The following CPHXL2 variants were observed in gnomAD, a reference collection of about 807,000 sequenced individuals.
CPHXL2 encodes cytoplasmic polyadenylated homeobox-like protein 2.
the CPHXL2 span, among the ~76,000 whole-genome samples, chr16:75,675,159 A>T: frequency 4.0e-5 from 6 of 149,850 alleles, no homozygotes; most frequent in East Asian, 6.2e-4. Flanking sequence ...ACTGCACTCC[A>T]GGCTGGGTGA....
the CPHXL2 span, among the ~76,000 whole-genome samples, chr16:75,665,857 T>C: frequency 6.6e-6 from 1 of 152,002 alleles, no homozygotes; most frequent in African/African-American, 2.4e-5. Context: ...AGAGCAAGAC[T>C]CTGTCCCAAC....
At chr16:75,663,953 A>C in the CPHXL2 span, among the ~76,000 whole-genome samples, 1 of 151,302 alleles carries the variant, frequency 6.6e-6, no homozygotes, top group Non-Finnish European at 1.5e-5. Context: ...TTTACAGTCT[A>C]TTCTGAAATC....
the CPHXL2 span, among the ~76,000 whole-genome samples, chr16:75,667,117 G>C: frequency 6.6e-6 from 1 of 151,944 alleles, no homozygotes; most frequent in Admixed American, 6.6e-5. Flanking sequence ...TTCGAGACCA[G>C]CCTGGCCAAT....
chr16:75,662,837 C>T, the CPHXL2 span, among the ~76,000 whole-genome samples: 4,739 of 138,614 alleles, frequency 0.034, 113 homozygotes, highest in Middle Eastern at 0.087. Context: ...CTCGCTCTGT[C>T]GTCCAGGCTG....
At chr16:75,675,191 GAA>G in the CPHXL2 span, among the ~76,000 whole-genome samples, 4 of 112,474 alleles carry the variant, frequency 3.6e-5, no homozygotes, top group Admixed American at 9.5e-5. Flanking sequence ...TGTCTCAAAA[GAA>G]AAAAAAAAAA....
the CPHXL2 span, among the ~76,000 whole-genome samples, chr16:75,663,086 C>G: frequency 2.6e-5 from 4 of 152,212 alleles, no homozygotes; most frequent in African/African-American, 9.6e-5. Flanking sequence ...AGGCGTGAGC[C>G]ACTCACTGCG....
At chr16:75,672,370 T>C in the CPHXL2 span, among the ~76,000 whole-genome samples, 2 of 152,028 alleles carry the variant, frequency 1.3e-5, no homozygotes, top group African/African-American at 4.8e-5. Flanking sequence ...TGAATATAAA[T>C]TGAACCAGGG....
chr16:75,665,867 C>G, the CPHXL2 span, among the ~76,000 whole-genome samples: 1 of 151,978 alleles, frequency 6.6e-6, no homozygotes, highest in Non-Finnish European at 1.5e-5. Context: ...TCTGTCCCAA[C>G]AAACCAACCA....
At chr16:75,663,096 G>A in the CPHXL2 span, among the ~76,000 whole-genome samples, 5 of 152,164 alleles carry the variant, frequency 3.3e-5, no homozygotes, top group Admixed American at 6.5e-5. Flanking sequence ...CACTCACTGC[G>A]CCCGGTGGGA....
At chr16:75,671,081 C>G in the CPHXL2 span, among the ~76,000 whole-genome samples, 2 of 152,176 alleles carry the variant, frequency 1.3e-5, no homozygotes, top group African/African-American at 4.8e-5. Context: ...CCTAACCACC[C>G]TATTAAAAAT....
chr16:75,674,009 A>G, the CPHXL2 span, among the ~76,000 whole-genome samples: 10 of 150,298 alleles, frequency 6.7e-5, no homozygotes, highest in African/African-American at 2.4e-4. Flanking sequence ...AAAAAAAAAG[A>G]TAAAAGAAAA....
chr16:75,671,903 C>G, the CPHXL2 span, among the ~76,000 whole-genome samples: 1 of 152,148 alleles, frequency 6.6e-6, no homozygotes. Flanking sequence ...GTAAGGATGG[C>G]TTTTGCATGC....
the CPHXL2 span, among the ~76,000 whole-genome samples, chr16:75,670,417 C>T: frequency 6.6e-6 from 1 of 152,130 alleles, no homozygotes. Flanking sequence ...CTCTGAGTTC[C>T]ATGAGTGTAG....
chr16:75,672,015 T>C, the CPHXL2 span, among the ~76,000 whole-genome samples: 2 of 151,908 alleles, frequency 1.3e-5, no homozygotes, highest in African/African-American at 2.4e-5. Context: ...CTCACACCTG[T>C]AATCCCAGCA....
chr16:75,668,211 C>A, the CPHXL2 span, among the ~76,000 whole-genome samples: 30,957 of 140,056 alleles, frequency 0.22, 3,562 homozygotes, highest in African/African-American at 0.35. Context: ...CTCTCTCTCT[C>A]TCTATATATA....
At chr16:75,672,630 G>A in the CPHXL2 span, among the ~76,000 whole-genome samples, 2 of 152,146 alleles carry the variant, frequency 1.3e-5, no homozygotes, top group East Asian at 1.9e-4. Context: ...TAGGACTACA[G>A]GCTTGCAATA....
At chr16:75,673,169 G>T in the CPHXL2 span, among the ~76,000 whole-genome samples, 2 of 150,942 alleles carry the variant, frequency 1.3e-5, no homozygotes, top group African/African-American at 4.9e-5. Context: ...GTGTGGTGGC[G>T]CATGCCTGTA....
chr16:75,676,356 C>A, the CPHXL2 span, among the ~76,000 whole-genome samples: 1 of 152,152 alleles, frequency 6.6e-6, no homozygotes, highest in African/African-American at 2.4e-5. Context: ...CAAGGCCTCA[C>A]TCTGTCACCC....
At chr16:75,666,539 T>A in the CPHXL2 span, among the ~76,000 whole-genome samples, 1 of 139,986 alleles carries the variant, frequency 7.1e-6, no homozygotes, top group East Asian at 2.1e-4. Flanking sequence ...ACCTGGGAGA[T>A]GGAGGTTGCA....
Sources: gnomAD v4.1 joint callset for allele counts (sites outside exome capture counted in the v4.1 genomes callset) on GRCh38, gnomAD v4.1.1 for gene constraint, MANE v1.5 for transcripts, NCBI Gene and HGNC (gene_info 2026-07-23, HGNC 2026-07-21) for gene names.